The following CSMD3 variants were observed in gnomAD, a reference collection of about 807,000 sequenced individuals.
CSMD3 encodes the protein CUB and Sushi multiple domains 3.
CSMD3 carries 177 observed loss-of-function variants against 435.2 expected under a neutral mutation model. That is an observed-to-expected ratio of 0.41 (90% CI 0.36 to 0.46). The LOEUF is 0.46. Among genes scored for constraint, CSMD3 ranks in the 20% least tolerant of loss-of-function variants. The pLI is 0.34. For synonymous variants in CSMD3, 1,656 were observed against 1,520.5 expected (o/e 1.09, Z -2.07); for missense variants, 4,265 against 4,504.6 (o/e 0.95, Z 1.52).
chr8:112,952,258 A>G (rs2083844303), intron 8 of CSMD3, among the ~76,000 whole-genome samples: 1 of 151,602 alleles, frequency 6.6e-6, no homozygotes, highest in African/African-American at 2.4e-5. Context: ...CTTAAAATCT[A>G]AAGGTGCCAT....
chr8:112,773,486 C>T (rs1305054343), intron 13 of CSMD3, among the ~76,000 whole-genome samples: 2 of 151,916 alleles, frequency 1.3e-5, no homozygotes, highest in East Asian at 1.9e-4. Context: ...TGAAATAACA[C>T]ACAAAAAGCA....
chr8:112,376,041 T>A (rs757802689), intron 38 of CSMD3, among the ~76,000 whole-genome samples: 2 of 152,166 alleles, frequency 1.3e-5, no homozygotes, highest in Non-Finnish European at 2.9e-5. Context: ...CCACCCCGTC[T>A]TGCTTAACTG....
At chr8:112,265,271 A>C in intron 60 of CSMD3, 140 bp downstream of exon 60, 1 of 433,180 alleles carries the variant, frequency 2.3e-6, no homozygotes, top group Non-Finnish European at 4.0e-6. Context: ...TTTTTAAGAA[A>C]CAGCCATTTT....
At chr8:113,289,746 A>G (rs2093672896) in intron 2 of CSMD3, among the ~76,000 whole-genome samples, 1 of 151,754 alleles carries the variant, frequency 6.6e-6, no homozygotes, top group African/African-American at 2.4e-5. Flanking sequence ...TTTCTTTACA[A>G]GTACTCTATA....
chr8:112,911,192 CT>C (rs1223341231), intron 10 of CSMD3, among the ~76,000 whole-genome samples: 2 of 151,956 alleles, frequency 1.3e-5, no homozygotes, highest in African/African-American at 4.8e-5. Flanking sequence ...GGATACAATT[CT>C]TAGTCTTGTC....
intron 12 of CSMD3, among the ~76,000 whole-genome samples, chr8:112,814,971 T>C (rs1001496575): frequency 1.3e-4 from 7 of 55,866 alleles, no homozygotes; most frequent in Admixed American, 5.6e-4. Flanking sequence ...TATGCAACTT[T>C]CGCTTTTTAT....
intron 2 of CSMD3, chr8:113,314,066 T>C (rs985904584): frequency 6.6e-6 from 1 of 152,222 alleles, no homozygotes; most frequent in Non-Finnish European, 1.5e-5. Flanking sequence ...AAAATATAAA[T>C]GACCCCATTT....
chr8:112,650,227 T>C lies in CSMD3; in HGVS notation c.3127A>G (p.Ser1043Gly). 6.2e-7 allele frequency: 1 copy of C among 1,613,920 alleles called. No individual in the cohort carries two copies. The highest frequency in any genetic ancestry group is 8.5e-7 in the Non-Finnish European group (1 of 1,179,848). Residue 1043 changes from serine to glycine, a missense_variant, in exon 19 of 71, where the codon AGT (serine) becomes GGT (glycine). Ser to Gly is a moderately conservative substitution (Grantham distance 56). This residue lies in a region of CSMD3 where 3,255 missense variants were observed against 3,380.2 expected (regional missense o/e 0.96). Transcript: ENST00000297405. The part of the protein sequence containing the change: ...SFSCDSGYRL[S>G]HEEPLLCEKN... Reference sequence around the variant, plus strand: ...TCGCATAGAAGGGGCTCTTCATGACTCAACCTGTATCCTGAATCACAACTA... The same window carrying C: ...TCGCATAGAAGGGGCTCTTCATGACCCAACCTGTATCCTGAATCACAACTA...
chr8:112,573,355 T>C lies in CSMD3; in HGVS notation c.4042+146A>G, dbSNP rs926261668. 88 of 771,110 alleles carry C rather than the reference T, an allele frequency of 1.1e-4. No individual in the cohort carries two copies. The East Asian group carries it at 2.4e-3, about 21-fold the overall frequency. The allele number at this position is 771,110 out of a possible 1,614,324, so 47.8% of individuals were successfully genotyped here. On this transcript the variant is annotated intron_variant, in intron 24 of 70. Coordinates refer to ENST00000297405, the MANE Select transcript of CSMD3 (RefSeq NM_198123.2). ...ATACCTGTAACTTACCGGGCTGTTGTTAGGGTCAAATAAAATTATATATGT... is the reference window on the plus strand; with the variant it reads ...ATACCTGTAACTTACCGGGCTGTTGCTAGGGTCAAATAAAATTATATATGT...
chr8:112,498,758 T>A (rs1586525433), intron 30 of CSMD3, among the ~76,000 whole-genome samples: 1 of 152,138 alleles, frequency 6.6e-6, no homozygotes, highest in Admixed American at 6.5e-5. Flanking sequence ...AAACAGGTCA[T>A]ATGTATAAGC....
intron 4 of CSMD3, among the ~76,000 whole-genome samples, chr8:113,147,671 G>C (rs551464681): frequency 1.3e-5 from 2 of 151,672 alleles, no homozygotes; most frequent in South Asian, 4.2e-4. Context: ...TAGGTGTGTG[G>C]AGGGGAGAGG....
At chr8:113,081,600 G>C (rs930967012) in intron 5 of CSMD3, among the ~76,000 whole-genome samples, 7 of 152,066 alleles carry the variant, frequency 4.6e-5, no homozygotes, top group African/African-American at 1.4e-4. Context: ...GGTCTCTCCC[G>C]CCTTCTAGGA....
chr8:112,520,295 G>T (rs1188457512), intron 27 of CSMD3, among the ~76,000 whole-genome samples: 1 of 151,992 alleles, frequency 6.6e-6, no homozygotes, highest in Non-Finnish European at 1.5e-5. Context: ...CTAAAACACA[G>T]AATCCTTACA....
intron 11 of CSMD3, among the ~76,000 whole-genome samples, chr8:112,839,439 A>T (rs2080119020): frequency 6.6e-6 from 1 of 151,746 alleles, no homozygotes; most frequent in Non-Finnish European, 1.5e-5. Context: ...GTTCCTTTCC[A>T]TCATTTATTC....
At chr8:112,819,276 G>A (rs913290556) in intron 12 of CSMD3, among the ~76,000 whole-genome samples, 3 of 152,140 alleles carry the variant, frequency 2.0e-5, no homozygotes, top group Non-Finnish European at 4.4e-5. Flanking sequence ...CTTTGAACAT[G>A]CAGGCTGGGT....
intron 10 of CSMD3, among the ~76,000 whole-genome samples, chr8:112,885,066 C>A (rs2081552322): frequency 6.6e-6 from 1 of 151,636 alleles, no homozygotes. Context: ...TTATTATGTA[C>A]AAATATCTTA....
intron 1 of CSMD3, among the ~76,000 whole-genome samples, chr8:113,426,807 T>C (rs1563810506): frequency 1.3e-5 from 2 of 151,498 alleles, no homozygotes; most frequent in Non-Finnish European, 3.0e-5. Context: ...TCATAAGTTT[T>C]CAACAATAAA....
chr8:112,306,603 G>C (rs1452936943), intron 50 of CSMD3, among the ~76,000 whole-genome samples: 2 of 152,110 alleles, frequency 1.3e-5, no homozygotes, highest in Non-Finnish European at 2.9e-5. Flanking sequence ...ATTTTAAAGA[G>C]AGTGGCAACC....
At chr8:112,608,275 T>G (rs1832953974) in intron 22 of CSMD3, among the ~76,000 whole-genome samples, 1 of 151,852 alleles carries the variant, frequency 6.6e-6, no homozygotes, top group South Asian at 2.1e-4. Flanking sequence ...CTGAAAACAA[T>G]AAAACATTAA....
Sources: allele counts gnomAD v4.1 joint callset (sites outside exome capture counted in the v4.1 genomes callset), GRCh38; gene constraint gnomAD v4.1.1; regional missense constraint gnomAD v4.1.1; transcripts MANE v1.5; gene names NCBI Gene and HGNC (gene_info 2026-07-23, HGNC 2026-07-21).